Variants in KCNJ12 observed in about 807,000 individuals in gnomAD.
KCNJ12 encodes potassium inwardly rectifying channel subfamily J member 12, also known as ATP-sensitive inward rectifier potassium channel 12.
A neutral mutation model predicts 22.3 loss-of-function variants in KCNJ12; 2 were observed. The observed-to-expected ratio is 0.09, with a 90% CI of 0.04 to 0.28. The LOEUF (loss-of-function observed/expected upper bound fraction) is 0.28, where lower values mean the gene tolerates loss of function less well. KCNJ12 is among the 10% of genes least tolerant of loss of function. KCNJ12 has a pLI of 1.00. For synonymous variants in KCNJ12, 117 were observed against 261.4 expected (o/e 0.45, Z 5.33); for missense variants, 155 against 633.3 (o/e 0.24, Z 8.11).
At chr17:21,406,427 C>A (rs2142067634) in intron 1 of KCNJ12, among the ~76,000 whole-genome samples, 1 of 152,430 alleles carries the variant, frequency 6.6e-6, no homozygotes, top group East Asian at 1.9e-4. Context: ...ACCCATCCAT[C>A]TCTGAACCTC....
chr17:21,406,495 G>A (rs1303440222), intron 1 of KCNJ12, among the ~76,000 whole-genome samples: 4 of 152,300 alleles, frequency 2.6e-5, no homozygotes, highest in Non-Finnish European at 5.9e-5. Flanking sequence ...GTAGGCCTGT[G>A]GCTTCTGCTC....
At chr17:21,381,508 G>T (rs528573619) in intron 1 of KCNJ12, among the ~76,000 whole-genome samples, 207 of 152,024 alleles carry the variant, frequency 1.4e-3, no homozygotes, top group African/African-American at 4.8e-3. Flanking sequence ...TTGCCTTGCT[G>T]TGCTTCCAAC....
At chr17:21,390,356 C>T (rs759433241) in intron 1 of KCNJ12, among the ~76,000 whole-genome samples, 39 of 152,132 alleles carry the variant, frequency 2.6e-4, no homozygotes, top group Non-Finnish European at 4.9e-4. Context: ...GGCCCCAGGA[C>T]GCTCCAAGGC....
At chr17:21,384,587 T>C (rs782237906) in intron 1 of KCNJ12, among the ~76,000 whole-genome samples, 6 of 152,122 alleles carry the variant, frequency 3.9e-5, no homozygotes, top group Non-Finnish European at 8.8e-5. Context: ...GTAGACACGC[T>C]GGAGCTCGGA....
intron 1 of KCNJ12, among the ~76,000 whole-genome samples, chr17:21,387,043 C>T (rs1376372965): frequency 3.9e-5 from 6 of 152,246 alleles, no homozygotes; most frequent in African/African-American, 1.4e-4. Flanking sequence ...GTAGTCCCAG[C>T]TACTCAGGAG....
intron 1 of KCNJ12, among the ~76,000 whole-genome samples, chr17:21,382,718 G>A (rs948978224): frequency 2.6e-5 from 4 of 152,090 alleles, no homozygotes; most frequent in Admixed American, 1.3e-4. Context: ...GAGCAGATAG[G>A]TTCTGGTCCT....
chr17:21,396,871 C>T (rs1319866970), intron 1 of KCNJ12, among the ~76,000 whole-genome samples: 4 of 152,138 alleles, frequency 2.6e-5, no homozygotes, highest in African/African-American at 9.7e-5. Flanking sequence ...CCCAGGGAGG[C>T]TTCCTGGATG....
chr17:21,381,693 C>T (rs1472410758), intron 1 of KCNJ12, among the ~76,000 whole-genome samples: 1 of 152,200 alleles, frequency 6.6e-6, no homozygotes, highest in Non-Finnish European at 1.5e-5. Flanking sequence ...GCCTCCCTTT[C>T]CCCCATGTTC....
chr17:21,389,800 C>T (rs1905164865), intron 1 of KCNJ12, among the ~76,000 whole-genome samples: 2 of 152,128 alleles, frequency 1.3e-5, no homozygotes, highest in African/African-American at 2.4e-5. Context: ...TCAAAACCAT[C>T]CCTGGGCCCC....
chr17:21,407,905 T>C (rs1906068148), intron 1 of KCNJ12, among the ~76,000 whole-genome samples: 1 of 152,268 alleles, frequency 6.6e-6, no homozygotes, highest in African/African-American at 2.4e-5. Flanking sequence ...CACCCACCCA[T>C]GTATTCATTC....
At chr17:21,377,833 T>TCAGAGG (rs1163088529) in intron 1 of KCNJ12, among the ~76,000 whole-genome samples, 1 of 152,200 alleles carries the variant, frequency 6.6e-6, no homozygotes, top group Non-Finnish European at 1.5e-5. Flanking sequence ...TCCTGCCTCC[T>TCAGAGG]CACAGCCTGG....
intron 2 of KCNJ12, among the ~76,000 whole-genome samples, chr17:21,408,858 C>G (rs1294734264): frequency 2.0e-5 from 3 of 152,310 alleles, no homozygotes; most frequent in Non-Finnish European, 4.4e-5. Context: ...TTCCCCCACC[C>G]ATTCATCTGC....
At chr17:21,400,578 G>A (rs1905549569) in intron 1 of KCNJ12, among the ~76,000 whole-genome samples, 2 of 152,416 alleles carry the variant, frequency 1.3e-5, no homozygotes, top group African/African-American at 2.4e-5. Context: ...AATGAACGGG[G>A]AATGAACAAG....
At chr17:21,395,187 C>T (rs372543408) in intron 1 of KCNJ12, among the ~76,000 whole-genome samples, 46 of 149,834 alleles carry the variant, frequency 3.1e-4, no homozygotes, top group East Asian at 6.0e-4. Context: ...CCTAGCTACC[C>T]GGGAGGCTGA....
chr17:21,411,344 A>C (rs1364700117), intron 2 of KCNJ12, among the ~76,000 whole-genome samples: 2 of 152,278 alleles, frequency 1.3e-5, no homozygotes, highest in African/African-American at 4.8e-5. Context: ...CTGCGTCTGT[A>C]GGCACTGTGG....
At chr17:21,388,294 A>G (rs1360866696) in intron 1 of KCNJ12, among the ~76,000 whole-genome samples, 2 of 152,020 alleles carry the variant, frequency 1.3e-5, no homozygotes, top group Admixed American at 1.3e-4. Context: ...CAGACGCCTG[A>G]GCGGGGCGTT....
intron 1 of KCNJ12, among the ~76,000 whole-genome samples, chr17:21,393,607 C>T (rs112531565): frequency 6.6e-5 from 10 of 152,344 alleles, no homozygotes; most frequent in African/African-American, 2.4e-4. Flanking sequence ...GAGGGCAGCA[C>T]ACCTGGCAGG....
chr17:21,411,492 C>T (rs1412248451), intron 2 of KCNJ12, among the ~76,000 whole-genome samples: 15 of 152,422 alleles, frequency 9.8e-5, no homozygotes, highest in Admixed American at 7.8e-4. Context: ...TGTACCCCAG[C>T]GCCCCTCTCC....
chr17:21,406,701 A>G (rs1905960788), intron 1 of KCNJ12, among the ~76,000 whole-genome samples: 1 of 152,308 alleles, frequency 6.6e-6, no homozygotes, highest in Admixed American at 6.5e-5. Flanking sequence ...GTGTGCCTCT[A>G]AACCACTGTC....
Sources: gnomAD v4.1 joint callset for allele counts (sites outside exome capture counted in the v4.1 genomes callset) on GRCh38, gnomAD v4.1.1 for gene constraint, MANE v1.5 for transcripts, NCBI Gene and HGNC (gene_info 2026-07-23, HGNC 2026-07-21) for gene names.